RBFOX1: variants seen among roughly 807,000 people sequenced by gnomAD.
RBFOX1 encodes RNA binding protein fox-1 homolog 1.
A neutral mutation model predicts 57.7 loss-of-function variants in RBFOX1; 8 were observed. That is an observed-to-expected ratio of 0.14 (90% CI 0.08 to 0.25). The LOEUF (loss-of-function observed/expected upper bound fraction) is 0.25, where lower values mean the gene tolerates loss of function less well. Ranked by LOEUF, RBFOX1 falls within the 10% of genes least tolerant of loss-of-function variation. The pLI is 1.00. For synonymous variants in RBFOX1, 326 were observed against 222.4 expected (o/e 1.47, Z -4.15); for missense variants, 611 against 548.5 (o/e 1.11, Z -1.14).
chr16:5,355,919 C>T (rs750441764), intron 1 of RBFOX1, among the ~76,000 whole-genome samples: 5 of 152,082 alleles, frequency 3.3e-5, no homozygotes, highest in African/African-American at 4.8e-5. Flanking sequence ...GGCTAAACCC[C>T]GTATCTACAA....
intron 1 of RBFOX1, among the ~76,000 whole-genome samples, chr16:6,180,936 C>G (rs1258672500): frequency 1.3e-5 from 2 of 152,068 alleles, no homozygotes; most frequent in African/African-American, 4.8e-5. Context: ...AGCCAAAAAT[C>G]AGCTAAGATT....
Position 6,164,032 on chromosome 16 carries a change from ATCT to A in RBFOX1, c.-127+144045_-127+144047del, listed in dbSNP as rs549101441. Among the ~76,000 whole-genome samples the A allele has an allele frequency of 4.6e-3, 693 of 152,274 alleles. 5 individuals are homozygous for A. The highest frequency in any genetic ancestry group is 6.5e-3 in the Admixed American group (100 of 15,292). Reference sequence around the variant, plus strand: ...CATTTTTGTGACGAGAGTAGTTGAAATCTTCTTATTTAACAAAAATTGCTGATA... The same window carrying A: ...CATTTTTGTGACGAGAGTAGTTGAAATCTTATTTAACAAAAATTGCTGATA... On this transcript the variant is annotated intron_variant, in intron 1 of 15. Coordinates refer to ENST00000550418, the MANE Select transcript of RBFOX1 (RefSeq NM_018723.4).
intron 3 of RBFOX1, among the ~76,000 whole-genome samples, chr16:6,893,441 C>A (rs1009154670): frequency 1.3e-5 from 2 of 152,142 alleles, no homozygotes; most frequent in East Asian, 1.9e-4. Context: ...ATCAAAAGAT[C>A]TTTCTTTTAA....
chr16:7,479,994 G>A (rs2063551018), intron 4 of RBFOX1, among the ~76,000 whole-genome samples: 4 of 152,176 alleles, frequency 2.6e-5, no homozygotes, highest in Admixed American at 2.6e-4. Flanking sequence ...CCGACGTATA[G>A]GTGCCAGTTC....
At chr16:6,588,869 G>A (rs145887666) in intron 2 of RBFOX1, among the ~76,000 whole-genome samples, 12 of 152,244 alleles carry the variant, frequency 7.9e-5, no homozygotes, top group African/African-American at 2.2e-4. Context: ...GGTCCTTGAT[G>A]TCACTTTCTC....
intron 2 of RBFOX1, among the ~76,000 whole-genome samples, chr16:6,516,860 G>A (rs1256332003): frequency 6.6e-6 from 1 of 152,116 alleles, no homozygotes; most frequent in Non-Finnish European, 1.5e-5. Context: ...CATACAGTGG[G>A]GTATTATGGG....
At chr16:7,029,971 A>G (rs1430902003) in intron 3 of RBFOX1, among the ~76,000 whole-genome samples, 1 of 152,218 alleles carries the variant, frequency 6.6e-6, no homozygotes, top group Non-Finnish European at 1.5e-5. Context: ...TTCCAGCAAG[A>G]CAGTCAACAA....
At chr16:7,615,816 C>A (rs2058346090) in intron 10 of RBFOX1, among the ~76,000 whole-genome samples, 1 of 152,106 alleles carries the variant, frequency 6.6e-6, no homozygotes, top group Non-Finnish European at 1.5e-5. Flanking sequence ...ACAAGACATT[C>A]CTTGACCACA....
Position 5,999,539 on chromosome 16 carries a change from A to G in RBFOX1, c.351+132204A>G, listed in dbSNP as rs147400372. ...TAAAGAGGTGTAACGCCAGGGCAGC[A>G]AGAGTGAAGGAAGAAGGGTTGGCCG... On this transcript the variant is annotated intron_variant, in intron 4 of 19. Transcript: ENST00000641259. Among the ~76,000 whole-genome samples the G allele has an allele frequency of 8.0e-4, 122 of 152,340 alleles. 1 individual carries two copies. The highest frequency in any genetic ancestry group is 1.5e-3 in the Non-Finnish European group (101 of 68,030).
intron 1 of RBFOX1, among the ~76,000 whole-genome samples, chr16:6,260,919 T>C (rs1478035552): frequency 6.6e-6 from 1 of 152,100 alleles, no homozygotes; most frequent in Non-Finnish European, 1.5e-5. Context: ...AAGCATGCAC[T>C]CTTTGAGAAA....
intron 4 of RBFOX1, among the ~76,000 whole-genome samples, chr16:7,187,657 C>T (rs965922024): frequency 1.6e-5 from 2 of 122,814 alleles, no homozygotes; most frequent in African/African-American, 6.3e-5. Flanking sequence ...CCACTGCAGT[C>T]CAGCCTGGGC....
At chr16:6,947,863 A>C (rs1226503925) in intron 3 of RBFOX1, among the ~76,000 whole-genome samples, 6 of 152,092 alleles carry the variant, frequency 3.9e-5, no homozygotes, top group Non-Finnish European at 8.8e-5. Flanking sequence ...TGCAAAGTCC[A>C]CCTCATGGGT....
chr16:5,648,466 G>A (rs1448386475), intron 3 of RBFOX1, among the ~76,000 whole-genome samples: 1 of 152,190 alleles, frequency 6.6e-6, no homozygotes, highest in Non-Finnish European at 1.5e-5. Context: ...AACCAAGGGT[G>A]ATGTTCCCTA....
At chr16:6,068,601 G>C (rs1031830905) in intron 1 of RBFOX1, among the ~76,000 whole-genome samples, 4 of 152,142 alleles carry the variant, frequency 2.6e-5, no homozygotes, top group Non-Finnish European at 5.9e-5. Flanking sequence ...GATTTAGCAG[G>C]AGACAAGATA....
At chr16:5,461,392 G>A (rs2068783479) in intron 1 of RBFOX1, among the ~76,000 whole-genome samples, 2 of 152,136 alleles carry the variant, frequency 1.3e-5, no homozygotes, top group Admixed American at 6.5e-5. Context: ...TTGGAGAGGC[G>A]AGGGGGTGGC....
At chr16:5,794,414 C>T (rs17138654) in intron 3 of RBFOX1, among the ~76,000 whole-genome samples, 35,224 of 151,948 alleles carry the variant, frequency 0.23, 4,597 homozygotes, top group East Asian at 0.4. Context: ...CAATTATGTA[C>T]CTGAAAGCAC....
At chr16:7,617,285 G>T (rs1372111733) in intron 10 of RBFOX1, among the ~76,000 whole-genome samples, 1 of 152,200 alleles carries the variant, frequency 6.6e-6, no homozygotes, top group Non-Finnish European at 1.5e-5. Context: ...TAGACAATGT[G>T]TAAATAAATG....
At position 5,835,388 on chromosome 16, in the gene RBFOX1, C is replaced by T. The variant is rs201877321; in HGVS notation, c.319-31915C>T. 1.3e-3 allele frequency among the ~76,000 whole-genome samples: 199 copies of T among 152,332 alleles called. 2 individuals carry two copies. Among genetic ancestry groups the T allele is most frequent in the African/African-American group, 4.3e-3 (177 of 41,572 alleles). On this transcript the variant is annotated intron_variant, in intron 3 of 19. Transcript: ENST00000641259. ...GCGATCTGCTTTGTAGAAAACGGTGCTACACATCTGGATTCATACTTGGGG... is the reference window on the plus strand; with the variant it reads ...GCGATCTGCTTTGTAGAAAACGGTGTTACACATCTGGATTCATACTTGGGG...
intron 4 of RBFOX1, among the ~76,000 whole-genome samples, chr16:7,182,830 C>T (rs954964596): frequency 7.9e-5 from 12 of 152,160 alleles, no homozygotes; most frequent in African/African-American, 2.9e-4. Context: ...CTCCACATTC[C>T]TGAGTTTTTT....
Sources: allele counts gnomAD v4.1 joint callset (sites outside exome capture counted in the v4.1 genomes callset), GRCh38; gene constraint gnomAD v4.1.1; transcripts MANE v1.5; gene names NCBI Gene and HGNC (gene_info 2026-07-23, HGNC 2026-07-21).